The following SPATA13 variants were observed in gnomAD, a reference collection of about 807,000 sequenced individuals.
SPATA13 encodes the protein spermatogenesis-associated protein 13.
In SPATA13, 50 loss-of-function variants were observed where a neutral mutation model predicts 104.0. The observed-to-expected ratio is 0.48, with a 90% CI of 0.38 to 0.61. SPATA13 has a LOEUF of 0.61. Ranked by LOEUF, SPATA13 falls within the 20% of genes least tolerant of loss-of-function variation. The pLI is 0.00. For synonymous variants in SPATA13, 606 were observed against 667.5 expected, an observed-to-expected ratio of 0.91 and a Z score of 1.42; for missense variants, 1,524 against 1,690.6, an observed-to-expected ratio of 0.90 and a Z score of 1.73.
intron 1 of SPATA13, among the ~76,000 whole-genome samples, chr13:24,188,744 G>A (rs898769888): frequency 6.6e-6 from 1 of 152,084 alleles, no homozygotes; most frequent in African/African-American, 2.4e-5. Context: ...CCTTCTAGAG[G>A]AAGAAGATGC....
intron 3 of SPATA13, among the ~76,000 whole-genome samples, chr13:24,142,969 G>T (rs553970574): frequency 6.6e-6 from 1 of 152,176 alleles, no homozygotes; most frequent in Non-Finnish European, 1.5e-5. Flanking sequence ...CCTCTCACTG[G>T]TTACAAACTG....
intron 4 of SPATA13, among the ~76,000 whole-genome samples, chr13:24,266,986 T>C (rs982101291): frequency 6.6e-6 from 1 of 152,036 alleles, no homozygotes; most frequent in African/African-American, 2.4e-5. Context: ...TGAACTATGG[T>C]TTAGGTTTTC....
intron 2 of SPATA13, among the ~76,000 whole-genome samples, chr13:24,230,211 A>G (rs377501268): frequency 2.6e-5 from 4 of 152,244 alleles, no homozygotes; most frequent in African/African-American, 9.6e-5. Flanking sequence ...AGGAATTGTC[A>G]TGTACCTCAC....
At chr13:24,281,722 A>C (rs1457904348) in intron 4 of SPATA13, among the ~76,000 whole-genome samples, 1 of 152,120 alleles carries the variant, frequency 6.6e-6, no homozygotes, top group Non-Finnish European at 1.5e-5. Context: ...AGTGGGCACC[A>C]CTCACAGGTG....
intron 3 of SPATA13, among the ~76,000 whole-genome samples, chr13:24,114,881 C>T (rs1048507622): frequency 1.3e-5 from 2 of 152,120 alleles, no homozygotes; most frequent in Non-Finnish European, 2.9e-5. Flanking sequence ...AGGCTGGTCT[C>T]GAACTCCTGA....
At chr13:24,079,402 A>T (rs1485330366) in intron 3 of SPATA13, among the ~76,000 whole-genome samples, 1 of 152,232 alleles carries the variant, frequency 6.6e-6, no homozygotes, top group Non-Finnish European at 1.5e-5. Flanking sequence ...TTCTTGCTGC[A>T]GAATGGATTG....
chr13:24,223,327 C>G lies in SPATA13; in HGVS notation c.398C>G (p.Ala133Gly). The G allele has an allele frequency of 6.4e-7, 1 of 1,551,440 alleles. No individual in the cohort carries two copies. The highest frequency in any genetic ancestry group is 8.7e-7 in the Non-Finnish European group (1 of 1,146,990). Reference sequence around the variant, plus strand: ...ATTCAGAGCCGAGAGGGGTCAAATGCCTGTTCAAAGGGAGAGGCTTCGGAG... The same window carrying G: ...ATTCAGAGCCGAGAGGGGTCAAATGGCTGTTCAAAGGGAGAGGCTTCGGAG... ...KGIQSREGSN[A>G]CSKGEASEHG... The change falls in exon 2 of 13, where the codon GCC (alanine) becomes GGC (glycine). Residue 133 changes from alanine to glycine, a missense_variant. Physicochemically the swap from Ala to Gly is moderately conservative, Grantham distance 60. Around this residue, in one of 2 missense-constraint regions of SPATA13, gnomAD observed 1,089 missense variants for 1,135.9 expected, o/e 0.96. Coordinates refer to ENST00000382108, the MANE Select transcript of SPATA13 (RefSeq NM_001166271.3).
At chr13:23,982,787 G>A (rs1874962248) in intron 1 of SPATA13, among the ~76,000 whole-genome samples, 1 of 152,196 alleles carries the variant, frequency 6.6e-6, no homozygotes, top group South Asian at 2.1e-4. Flanking sequence ...ACCCAGAAAG[G>A]AAGAGGTGCA....
intron 2 of SPATA13, 59 bp from the exon 3 acceptor site, chr13:24,249,418 G>A: frequency 6.9e-7 from 1 of 1,453,576 alleles, no homozygotes; most frequent in Non-Finnish European, 9.1e-7. Context: ...TGTATGGCTT[G>A]TTCTTTCTTT....
chr13:24,299,419 TG>T (rs1411104113), intron 11 of SPATA13, among the ~76,000 whole-genome samples: 1 of 152,218 alleles, frequency 6.6e-6, no homozygotes, highest in African/African-American at 2.4e-5. Flanking sequence ...TCGAATATTT[TG>T]GCAGCCCTCG....
intron 4 of SPATA13, among the ~76,000 whole-genome samples, chr13:24,275,805 G>A (rs1476288608): frequency 6.6e-6 from 1 of 152,284 alleles, no homozygotes; most frequent in East Asian, 1.9e-4. Context: ...GTGATGGCAC[G>A]CACCTGTAAT....
rs565046692 is a variant in SPATA13, at chr13:24,036,030, A to G, written c.-112+18329A>G. Among the ~76,000 whole-genome samples, 801 of 151,436 alleles carry G rather than the reference A, an allele frequency of 5.3e-3. 5 individuals are homozygous for G. Among genetic ancestry groups the G allele is most frequent in the African/African-American group, 0.016 (663 of 41,138 alleles). On this transcript the variant is annotated intron_variant, in intron 3 of 14. Transcript: ENST00000424834. ...CCCTGTCTCAAAAAAAAAAAAAAAA[A>G]AAAGAAAGAAAGAAAAAACCTGAGG...
At chr13:24,027,604 G>GT (rs1184400786) in intron 3 of SPATA13, among the ~76,000 whole-genome samples, 1 of 152,060 alleles carries the variant, frequency 6.6e-6, no homozygotes, top group African/African-American at 2.4e-5. Context: ...TTGAGTTGCT[G>GT]TTTTTTATCT....
chr13:24,123,456 A>G, intron 3 of SPATA13: 1 of 1,513,224 alleles, frequency 6.6e-7, no homozygotes, highest in Non-Finnish European at 9.2e-7. Flanking sequence ...ATCGTTATAG[A>G]TCTTTTTCTT....
At chr13:24,143,709 G>A (rs1881837953) in intron 3 of SPATA13, among the ~76,000 whole-genome samples, 1 of 152,106 alleles carries the variant, frequency 6.6e-6, no homozygotes, top group South Asian at 2.1e-4. Context: ...GGGAACCACA[G>A]AACATCTAAC....
chr13:24,019,341 G>T (rs1233693176), intron 3 of SPATA13, among the ~76,000 whole-genome samples: 1 of 152,006 alleles, frequency 6.6e-6, no homozygotes, highest in African/African-American at 2.4e-5. Flanking sequence ...GCCCGCCTCG[G>T]CCTCCCAAAG....
chr13:24,064,181 A>G (rs1442759717), intron 3 of SPATA13, among the ~76,000 whole-genome samples: 2 of 152,204 alleles, frequency 1.3e-5, no homozygotes, highest in African/African-American at 4.8e-5. Flanking sequence ...AGCCTGTCAC[A>G]GATCACTTAA....
chr13:24,120,580 C>T (rs577511237), intron 3 of SPATA13, among the ~76,000 whole-genome samples: 285 of 152,322 alleles, frequency 1.9e-3, no homozygotes, highest in African/African-American at 6.5e-3. Context: ...ACTATACCAC[C>T]CTCTGCCTCT....
At chr13:24,225,298 G>C (rs888034236) in intron 2 of SPATA13, among the ~76,000 whole-genome samples, 4 of 152,248 alleles carry the variant, frequency 2.6e-5, no homozygotes, top group African/African-American at 9.6e-5. Context: ...GGCAGCTCCA[G>C]GTGCCGGCAC....
Sources: allele counts gnomAD v4.1 joint callset (sites outside exome capture counted in the v4.1 genomes callset), GRCh38; gene constraint gnomAD v4.1.1; regional missense constraint gnomAD v4.1.1; transcripts MANE v1.5; gene names NCBI Gene and HGNC (gene_info 2026-07-23, HGNC 2026-07-21).